PHF21A: variants seen among roughly 807,000 people sequenced by gnomAD.
The protein encoded by PHF21A is BHC80a.
In PHF21A, 11 loss-of-function variants were observed where a neutral mutation model predicts 82.5. The observed-to-expected ratio is 0.13, with a 90% confidence interval of 0.08 to 0.22. PHF21A has a LOEUF of 0.22. Among genes scored for constraint, PHF21A ranks in the 10% least tolerant of loss-of-function variants. The pLI, the probability that PHF21A is intolerant of heterozygous loss-of-function variation, is 1.00. For missense variants in PHF21A, 579 were observed against 837.8 expected, an observed-to-expected ratio of 0.69 and a Z score of 3.81; for synonymous variants, 297 against 302.8, an observed-to-expected ratio of 0.98 and a Z score of 0.20.
intron 18 of PHF21A, 181 bp downstream of exon 18, chr11:45,935,455 G>A (rs2088694826): frequency 4.7e-6 from 3 of 640,218 alleles, no homozygotes; most frequent in Non-Finnish European, 8.2e-6. Context: ...CTACCAACTG[G>A]CCGCCTGTAC....
chr11:46,028,326 T>C (rs1043733372), intron 6 of PHF21A, among the ~76,000 whole-genome samples: 7 of 152,120 alleles, frequency 4.6e-5, no homozygotes, highest in African/African-American at 1.4e-4. Flanking sequence ...AAAATAATAA[T>C]ACTATACATC....
chr11:46,037,640 CA>C (rs1000939610), intron 6 of PHF21A, among the ~76,000 whole-genome samples: 10,573 of 59,248 alleles, frequency 0.18, 711 homozygotes, highest in East Asian at 0.53. Context: ...AACGTCATCT[CA>C]AAAAAAAAAA....
At chr11:46,086,365 C>T (rs967439793) in intron 3 of PHF21A, among the ~76,000 whole-genome samples, 8 of 152,154 alleles carry the variant, frequency 5.3e-5, no homozygotes, top group African/African-American at 1.7e-4. Context: ...GTGATCCGCC[C>T]GTCCTGGCCT....
chr11:45,938,285 C>G lies in PHF21A; in HGVS notation c.1480G>C (p.Val494Leu). 2 of 1,610,634 alleles carry G rather than the reference C, an allele frequency of 1.2e-6. No individual in the cohort carries two copies. Among genetic ancestry groups the G allele is most frequent in the Non-Finnish European group, 1.7e-6 (2 of 1,178,544 alleles). The part of the protein sequence containing the change: ...DGDIHEDFCS[V>L]CRKSGQLLMC... Reference sequence around the variant, plus strand: ...AGTAACTGGCCACTTTTTCTGCAAACGCTGCAAAAATCCTCATGAATATCA... The same window carrying G: ...AGTAACTGGCCACTTTTTCTGCAAAGGCTGCAAAAATCCTCATGAATATCA... The change falls in exon 16 of 19, where the codon GTT becomes CTT. Residue 494 changes from valine to leucine, a missense_variant. This residue lies in a region of PHF21A where 410 missense variants were observed against 642.1 expected (regional missense o/e 0.64). Coordinates refer to ENST00000676320, the MANE Select transcript of PHF21A (RefSeq NM_001352027.3).
intron 6 of PHF21A, among the ~76,000 whole-genome samples, chr11:45,986,007 A>G (rs1591614996): frequency 6.6e-6 from 1 of 151,860 alleles, no homozygotes; most frequent in East Asian, 1.9e-4. Flanking sequence ...CAAAGAATGC[A>G]TATATCATGG....
chr11:45,947,576 C>T (rs532311990), intron 14 of PHF21A, among the ~76,000 whole-genome samples: 1 of 152,108 alleles, frequency 6.6e-6, no homozygotes, highest in South Asian at 2.1e-4. Context: ...TCTTGTTTAC[C>T]CACAAAAGGC....
At chr11:45,934,980 G>A in intron 18 of PHF21A, 1 of 543,334 alleles carries the variant, frequency 1.8e-6, no homozygotes, top group Non-Finnish European at 3.2e-6. Context: ...ATCCATGAGG[G>A]CTGAGGTCAC....
At chr11:46,021,009 A>C (rs2095618327) in intron 6 of PHF21A, among the ~76,000 whole-genome samples, 1 of 152,006 alleles carries the variant, frequency 6.6e-6, no homozygotes. Context: ...CCATAACTCC[A>C]TCATACACTG....
At chr11:46,013,048 G>GT (rs1234240219) in intron 6 of PHF21A, among the ~76,000 whole-genome samples, 2 of 151,982 alleles carry the variant, frequency 1.3e-5, no homozygotes, top group Non-Finnish European at 2.9e-5. Flanking sequence ...TATATACTAT[G>GT]TTTTTTCCTA....
At chr11:45,978,048 TC>T (rs1226208740) in intron 7 of PHF21A, among the ~76,000 whole-genome samples, 3 of 152,246 alleles carry the variant, frequency 2.0e-5, no homozygotes, top group Admixed American at 2.0e-4. Context: ...ACACCTGTAA[TC>T]CTAGCACTTT....
intron 6 of PHF21A, among the ~76,000 whole-genome samples, chr11:46,016,964 A>C (rs567723415): frequency 7.6e-6 from 1 of 131,524 alleles, no homozygotes; most frequent in Non-Finnish European, 1.6e-5. Flanking sequence ...AAAAATGTTT[A>C]ACCTGGATTT....
At chr11:45,991,384 G>A (rs903119277) in intron 6 of PHF21A, among the ~76,000 whole-genome samples, 17 of 152,138 alleles carry the variant, frequency 1.1e-4, no homozygotes, top group African/African-American at 4.1e-4. Context: ...ATGAGGCTCT[G>A]AGTAATTAAG....
At chr11:45,954,275 G>C (rs1200816162) in intron 10 of PHF21A, among the ~76,000 whole-genome samples, 1 of 152,104 alleles carries the variant, frequency 6.6e-6, no homozygotes, top group Non-Finnish European at 1.5e-5. Flanking sequence ...GGGATTACAG[G>C]CGTGAGCCAC....
intron 15 of PHF21A, among the ~76,000 whole-genome samples, chr11:45,939,023 C>T (rs1407830156): frequency 1.3e-5 from 2 of 152,044 alleles, no homozygotes. Flanking sequence ...TTAGTAGAGA[C>T]GGGGTTTCAC....
At chr11:46,114,181 T>C (rs1289437441) in intron 1 of PHF21A, among the ~76,000 whole-genome samples, 3 of 152,104 alleles carry the variant, frequency 2.0e-5, no homozygotes, top group Non-Finnish European at 4.4e-5. Context: ...CCCACTTCTC[T>C]CATCCACTGA....
intron 6 of PHF21A, among the ~76,000 whole-genome samples, chr11:46,017,875 C>T (rs1330984492): frequency 2.0e-5 from 3 of 152,288 alleles, no homozygotes; most frequent in Admixed American, 6.5e-5. Flanking sequence ...GCCTTTTCAA[C>T]TCTGTAATCT....
chr11:45,981,940 C>CTTTTTTTTTTTTTGTTTTTTT (rs2094307925), intron 6 of PHF21A, among the ~76,000 whole-genome samples: 1 of 78,270 alleles, frequency 1.3e-5, no homozygotes, highest in African/African-American at 4.9e-5. Context: ...TTTTGTTTTT[C>CTTTTTTTTTTTTTGTTTTTTT]TTTTTTTTTT....
At chr11:45,969,500 C>T (rs2093637984) in intron 9 of PHF21A, among the ~76,000 whole-genome samples, 1 of 152,188 alleles carries the variant, frequency 6.6e-6, no homozygotes, top group Non-Finnish European at 1.5e-5. Context: ...GTGTTAATTG[C>T]ATTCTTTCCC....
chr11:46,032,729 C>T (rs915598644), intron 6 of PHF21A, among the ~76,000 whole-genome samples: 2 of 152,058 alleles, frequency 1.3e-5, no homozygotes, highest in Non-Finnish European at 2.9e-5. Flanking sequence ...AGACTTGATA[C>T]CCTTAAAATT....
Sources: gnomAD v4.1 joint callset for allele counts (sites outside exome capture counted in the v4.1 genomes callset) on GRCh38, gnomAD v4.1.1 for gene constraint, gnomAD v4.1.1 regional missense constraint, MANE v1.5 for transcripts, NCBI Gene and HGNC (gene_info 2026-07-23, HGNC 2026-07-21) for gene names.